The following CDK14 variants were observed in gnomAD, a reference collection of about 807,000 sequenced individuals.
CDK14 encodes cyclin dependent kinase 14.
In CDK14, 34 loss-of-function variants were observed where a neutral mutation model predicts 60.7. The ratio of observed to expected loss-of-function variants is 0.56; its 90% CI spans 0.43 to 0.75. The LOEUF is 0.75. CDK14 is among the 30% of genes least tolerant of loss of function. The probability of loss-of-function intolerance (pLI) is 0.00; values close to 1 mark genes in which losing one functional copy is unlikely to be tolerated. For missense variants in CDK14, 482 were observed against 564.1 expected, an observed-to-expected ratio of 0.85 and a Z score of 1.47; for synonymous variants, 197 against 203.7, an observed-to-expected ratio of 0.97 and a Z score of 0.28.
chr7:90,910,083 A>G (rs1474819859), intron 7 of CDK14, among the ~76,000 whole-genome samples: 1 of 152,250 alleles, frequency 6.6e-6, no homozygotes, highest in African/African-American at 2.4e-5. Context: ...CCATCCCAGT[A>G]GCACACTTAA....
chr7:90,897,801 A>G (rs377162121), intron 6 of CDK14, among the ~76,000 whole-genome samples: 3 of 152,202 alleles, frequency 2.0e-5, no homozygotes, highest in South Asian at 2.1e-4. Flanking sequence ...TTAGTGTGCT[A>G]TCCTATACAT....
intron 2 of CDK14, among the ~76,000 whole-genome samples, chr7:90,653,845 G>A (rs10273841): frequency 2.8e-4 from 42 of 152,244 alleles, no homozygotes; most frequent in African/African-American, 9.6e-4. Context: ...AGGCCCCAGT[G>A]TGTGATGTTC....
chr7:90,864,789 G>T (rs561720554), intron 6 of CDK14, among the ~76,000 whole-genome samples: 32 of 152,144 alleles, frequency 2.1e-4, no homozygotes, highest in Non-Finnish European at 4.3e-4. Flanking sequence ...TACTGATAAA[G>T]ACTGACTTTT....
At chr7:90,740,133 TA>T (rs5885742) in intron 3 of CDK14, among the ~76,000 whole-genome samples, 67,093 of 148,224 alleles carry the variant, frequency 0.45, 15,652 homozygotes, top group East Asian at 0.82. Flanking sequence ...GTTAAATTCC[TA>T]AAAAAAAAAA....
At position 91,203,396 on chromosome 7, in the gene CDK14, C is replaced by G. The variant is rs189283055; in HGVS notation, c.*29-3769C>G. 1.8e-3 allele frequency among the ~76,000 whole-genome samples: 278 copies of G among 152,304 alleles called. 1 individual carries two copies. Among genetic ancestry groups the G allele is most frequent in the Admixed American group, 8.2e-3 (125 of 15,288 alleles). Reference sequence around the variant, plus strand: ...GGGCCTGGGCTGTGCTCTGGGGACACAGCAGTCTACAAAATCAAGCTTAAT... The same window carrying G: ...GGGCCTGGGCTGTGCTCTGGGGACAGAGCAGTCTACAAAATCAAGCTTAAT... On this transcript the variant is annotated intron_variant, in intron 14 of 14. Coordinates refer to ENST00000380050, the MANE Select transcript of CDK14 (RefSeq NM_001287135.2).
At chr7:91,171,708 A>T (rs2724348) in intron 14 of CDK14, among the ~76,000 whole-genome samples, 2 of 152,010 alleles carry the variant, frequency 1.3e-5, no homozygotes, top group Non-Finnish European at 2.9e-5. Flanking sequence ...GTGCAGTGGC[A>T]TGATCTCAGC....
chr7:91,049,589 A>C (rs776795664), intron 11 of CDK14, among the ~76,000 whole-genome samples: 1 of 152,248 alleles, frequency 6.6e-6, no homozygotes, highest in African/African-American at 2.4e-5. Context: ...TATCTGTGTA[A>C]GAAAAACCAG....
chr7:90,878,555 A>G (rs1461191316), intron 6 of CDK14, among the ~76,000 whole-genome samples: 1 of 151,812 alleles, frequency 6.6e-6, no homozygotes. Context: ...TGGAAGATCC[A>G]TCCTGTGTCC....
At chr7:91,180,041 C>T (rs1391494393) in intron 14 of CDK14, among the ~76,000 whole-genome samples, 1 of 152,004 alleles carries the variant, frequency 6.6e-6, no homozygotes, top group Non-Finnish European at 1.5e-5. Context: ...GAACATATTA[C>T]ATTAGAATAA....
intron 2 of CDK14, among the ~76,000 whole-genome samples, chr7:90,610,810 T>G (rs759678177): frequency 2.6e-5 from 4 of 152,228 alleles, no homozygotes; most frequent in Non-Finnish European, 5.9e-5. Flanking sequence ...ACCTCTTAAT[T>G]TAATTACATC....
intron 6 of CDK14, among the ~76,000 whole-genome samples, chr7:90,869,657 A>G (rs1791302924): frequency 6.6e-6 from 1 of 152,214 alleles, no homozygotes; most frequent in African/African-American, 2.4e-5. Context: ...TTGCAATAAG[A>G]TCTAAACATG....
chr7:91,158,893 G>A (rs1178338134), intron 14 of CDK14, among the ~76,000 whole-genome samples: 6 of 152,080 alleles, frequency 3.9e-5, no homozygotes, highest in Admixed American at 2.0e-4. Flanking sequence ...AAAGAAAGTG[G>A]GAATTATGTT....
chr7:91,109,755 C>T (rs191534153), intron 12 of CDK14, among the ~76,000 whole-genome samples: 2 of 151,908 alleles, frequency 1.3e-5, no homozygotes, highest in Admixed American at 1.3e-4. Context: ...AAGCAGGTAA[C>T]AAAAGGTATG....
intron 2 of CDK14, among the ~76,000 whole-genome samples, chr7:90,635,131 A>C (rs955249626): frequency 3.3e-5 from 5 of 151,902 alleles, no homozygotes; most frequent in African/African-American, 1.2e-4. Flanking sequence ...GAAGCTCTTT[A>C]GTTTAATTAG....
intron 5 of CDK14, among the ~76,000 whole-genome samples, chr7:90,859,154 T>C (rs1018873267): frequency 2.5e-4 from 38 of 152,246 alleles, no homozygotes; most frequent in African/African-American, 8.9e-4. Flanking sequence ...GGAATATACA[T>C]TGTTGCTCCA....
chr7:90,840,696 C>A (rs766014058), intron 5 of CDK14, among the ~76,000 whole-genome samples: 6 of 152,126 alleles, frequency 3.9e-5, no homozygotes, highest in Non-Finnish European at 8.8e-5. Flanking sequence ...TCCAAGATAC[C>A]TTTCTCTTTA....
intron 2 of CDK14, among the ~76,000 whole-genome samples, chr7:90,659,855 C>CTCTCTCTCTG (rs1800828413): frequency 6.8e-6 from 1 of 146,482 alleles, no homozygotes; most frequent in Admixed American, 6.9e-5. Flanking sequence ...CTCTCTCTCT[C>CTCTCTCTCTG]TCTCTCTCTC....
chr7:90,609,941 C>G (rs1388877586), intron 2 of CDK14, among the ~76,000 whole-genome samples: 1 of 152,244 alleles, frequency 6.6e-6, no homozygotes, highest in Non-Finnish European at 1.5e-5. Flanking sequence ...TTTCTCGTCT[C>G]ATACCTGCTT....
intron 2 of CDK14, among the ~76,000 whole-genome samples, chr7:90,687,212 A>C (rs1199688751): frequency 6.6e-6 from 1 of 152,168 alleles, no homozygotes; most frequent in Non-Finnish European, 1.5e-5. Context: ...CATGAGAAGT[A>C]GGGAGATTTG....
Sources: allele counts gnomAD v4.1 joint callset (sites outside exome capture counted in the v4.1 genomes callset), GRCh38; gene constraint gnomAD v4.1.1; transcripts MANE v1.5; gene names NCBI Gene and HGNC (gene_info 2026-07-23, HGNC 2026-07-21).